The following ZHX2 variants were observed in gnomAD, a reference collection of about 807,000 sequenced individuals.
ZHX2 encodes zinc fingers and homeoboxes 2.
In ZHX2, 6 loss-of-function variants were observed where a neutral mutation model predicts 21.9. That is an observed-to-expected ratio of 0.27 (90% CI 0.15 to 0.54). The LOEUF is 0.54. Among genes scored for constraint, ZHX2 ranks in the 20% least tolerant of loss-of-function variants. The pLI is 0.95. For synonymous variants in ZHX2, 434 were observed against 437.1 expected (o/e 0.99, Z 0.09); for missense variants, 908 against 1,090.7 (o/e 0.83, Z 2.36).
chr8:122,875,129 TTATATATATATATATATATATA>T (rs71310631), intron 2 of ZHX2, among the ~76,000 whole-genome samples: 237 of 10,108 alleles, frequency 0.023, 4 homozygotes, highest in Middle Eastern at 0.062. Flanking sequence ...GAAAACTCTG[TTATATATATATATATATATATA>T]TATATATATA....
chr8:122,840,540 T>C (rs529785878), intron 1 of ZHX2, among the ~76,000 whole-genome samples: 1 of 152,238 alleles, frequency 6.6e-6, no homozygotes, highest in Non-Finnish European at 1.5e-5. Flanking sequence ...TGCTTTACGT[T>C]AAAAGTGGCT....
At chr8:122,883,145 A>G (rs1352460002) in intron 2 of ZHX2, among the ~76,000 whole-genome samples, 1 of 151,884 alleles carries the variant, frequency 6.6e-6, no homozygotes, top group Non-Finnish European at 1.5e-5. Context: ...TTCTTCCCAC[A>G]TCCCCTCATC....
At chr8:122,842,476 CGGGCA>C (rs1818657626) in intron 1 of ZHX2, among the ~76,000 whole-genome samples, 1 of 152,152 alleles carries the variant, frequency 6.6e-6, no homozygotes, top group African/African-American at 2.4e-5. Flanking sequence ...GAGGCCTAGG[CGGGCA>C]GATCAGGAGG....
intron 2 of ZHX2, among the ~76,000 whole-genome samples, chr8:122,946,380 G>C (rs1468208285): frequency 6.6e-6 from 1 of 151,524 alleles, no homozygotes; most frequent in East Asian, 1.9e-4. Context: ...TTCTCAAAAG[G>C]CTCTGTGTTT....
chr8:122,851,224 AAAAG>A (rs1818890343), intron 1 of ZHX2, among the ~76,000 whole-genome samples: 1 of 152,230 alleles, frequency 6.6e-6, no homozygotes, highest in Admixed American at 6.5e-5. Context: ...GTGTGAGAGA[AAAAG>A]AAGAAAGGTG....
intron 2 of ZHX2, among the ~76,000 whole-genome samples, chr8:122,943,742 G>T (rs1586409748): frequency 6.6e-6 from 1 of 152,164 alleles, no homozygotes; most frequent in Non-Finnish European, 1.5e-5. Flanking sequence ...TGAGATTATT[G>T]TTTAGCTGTC....
chr8:122,870,650 AAAAAAAAAAAAAAAAAG>A (rs1426933884), intron 2 of ZHX2, among the ~76,000 whole-genome samples: 3 of 143,742 alleles, frequency 2.1e-5, no homozygotes, highest in Non-Finnish European at 3.0e-5. Flanking sequence ...AAAAAAAAAA[AAAAAAAAAAAAAAAAAG>A]AAAGAGAAAG....
At chr8:122,789,559 G>A (rs1817470282) in intron 1 of ZHX2, among the ~76,000 whole-genome samples, 1 of 152,250 alleles carries the variant, frequency 6.6e-6, no homozygotes, top group South Asian at 2.1e-4. Context: ...GGCAGTGGTG[G>A]TCCGGAGGGA....
At chr8:122,911,644 G>A (rs1240176242) in intron 2 of ZHX2, among the ~76,000 whole-genome samples, 4 of 152,018 alleles carry the variant, frequency 2.6e-5, no homozygotes, top group African/African-American at 9.7e-5. Context: ...CTGAGCCCTG[G>A]GGACACAGCA....
chr8:122,881,997 A>C (rs951940218), intron 2 of ZHX2, among the ~76,000 whole-genome samples: 7 of 152,152 alleles, frequency 4.6e-5, no homozygotes, highest in Non-Finnish European at 8.8e-5. Context: ...TTAATTAAGC[A>C]CTAGGTTTAA....
intron 2 of ZHX2, among the ~76,000 whole-genome samples, chr8:122,927,500 A>G (rs1178908824): frequency 6.6e-6 from 1 of 152,216 alleles, no homozygotes; most frequent in African/African-American, 2.4e-5. Context: ...ATCTTAAAAA[A>G]AAAATACCCA....
chr8:122,831,365 T>C (rs1211048027), intron 1 of ZHX2, among the ~76,000 whole-genome samples: 1 of 151,782 alleles, frequency 6.6e-6, no homozygotes, highest in African/African-American at 2.4e-5. Context: ...GCTGGAAAGG[T>C]GAGGACAAGT....
intron 2 of ZHX2, among the ~76,000 whole-genome samples, chr8:122,884,922 A>C (rs1017213729): frequency 1.3e-5 from 2 of 152,224 alleles, no homozygotes; most frequent in African/African-American, 4.8e-5. Context: ...ATTTCAAAAA[A>C]ATGGGAAGCC....
At chr8:122,791,066 C>T (rs895374672) in intron 1 of ZHX2, among the ~76,000 whole-genome samples, 6 of 152,206 alleles carry the variant, frequency 3.9e-5, no homozygotes, top group Non-Finnish European at 8.8e-5. Flanking sequence ...GCACCTGTGG[C>T]TCCAGCAAAA....
At chr8:122,790,924 T>C (rs1817506003) in intron 1 of ZHX2, among the ~76,000 whole-genome samples, 1 of 152,152 alleles carries the variant, frequency 6.6e-6, no homozygotes, top group Non-Finnish European at 1.5e-5. Context: ...TGTGATTCTG[T>C]TATCCCCATT....
chr8:122,861,276 CATT>C (rs994547170), intron 1 of ZHX2, among the ~76,000 whole-genome samples: 1 of 152,146 alleles, frequency 6.6e-6, no homozygotes, highest in Non-Finnish European at 1.5e-5. Context: ...TGAAGCAAAA[CATT>C]AATGTGCTGG....
intron 3 of ZHX2, among the ~76,000 whole-genome samples, chr8:122,962,936 T>C (rs750003101): frequency 1.3e-5 from 2 of 152,164 alleles, no homozygotes; most frequent in African/African-American, 4.8e-5. Flanking sequence ...TTTTGAGAAT[T>C]GTCTATTCAT....
intron 3 of ZHX2, among the ~76,000 whole-genome samples, chr8:122,957,629 A>G (rs11992432): frequency 0.29 from 44,046 of 151,854 alleles, 7,577 homozygotes; most frequent in African/African-American, 0.48. Context: ...CACCATACCC[A>G]GCTAATTTTT....
intron 1 of ZHX2, among the ~76,000 whole-genome samples, chr8:122,822,370 C>T (rs1202576346): frequency 6.6e-6 from 1 of 152,092 alleles, no homozygotes; most frequent in Non-Finnish European, 1.5e-5. Flanking sequence ...TTATCAACCC[C>T]CTTCCTTCAA....
Sources: gnomAD v4.1 joint callset for allele counts (sites outside exome capture counted in the v4.1 genomes callset) on GRCh38, gnomAD v4.1.1 for gene constraint, MANE v1.5 for transcripts, NCBI Gene and HGNC (gene_info 2026-07-23, HGNC 2026-07-21) for gene names.